The following SLC14A2 variants were observed in gnomAD, a reference collection of about 807,000 sequenced individuals.
SLC14A2 encodes the protein solute carrier family 14 member 2.
In SLC14A2, 91 loss-of-function variants were observed where a neutral mutation model predicts 104.6. The ratio of observed to expected loss-of-function variants is 0.87; its 90% CI spans 0.73 to 1.04. The LOEUF is 1.04. Among genes scored for constraint, SLC14A2 ranks in the 50% least tolerant of loss-of-function variants. The probability of loss-of-function intolerance (pLI) is 0.00; values close to 1 mark genes in which losing one functional copy is unlikely to be tolerated. For missense variants in SLC14A2, 1,189 were observed against 1,156.0 expected, an observed-to-expected ratio of 1.03 and a Z score of -0.41; for synonymous variants, 476 against 466.4, an observed-to-expected ratio of 1.02 and a Z score of -0.27.
chr18:45,530,722 A>T (rs147241183), intron 2 of SLC14A2, among the ~76,000 whole-genome samples: 3,721 of 152,136 alleles, frequency 0.024, 162 homozygotes, highest in African/African-American at 0.085. Context: ...ATTATACTTT[A>T]AGTTTTAGGG....
intron 1 of SLC14A2, among the ~76,000 whole-genome samples, chr18:45,243,441 C>T (rs1599606551): frequency 6.6e-6 from 1 of 152,176 alleles, no homozygotes; most frequent in African/African-American, 2.4e-5. Flanking sequence ...TCTATGACCT[C>T]AGAACCAGCA....
At chr18:45,468,519 C>T (rs886417628) in intron 1 of SLC14A2, among the ~76,000 whole-genome samples, 3 of 151,892 alleles carry the variant, frequency 2.0e-5, no homozygotes, top group African/African-American at 7.3e-5. Context: ...GTCTTGGACT[C>T]GTGACTTTAT....
At chr18:45,676,111 T>C (rs1568006434) in intron 18 of SLC14A2, among the ~76,000 whole-genome samples, 1 of 152,220 alleles carries the variant, frequency 6.6e-6, no homozygotes, top group Non-Finnish European at 1.5e-5. Flanking sequence ...TTCTAAATGC[T>C]CAGAGATCTT....
chr18:45,444,757 C>T lies in SLC14A2; in HGVS notation c.-124-38476C>T, dbSNP rs563505546. ...TCTCTTTAAAAGTGGGAGCCAGTGG[C>T]GAGCCGCACAGGTAGGTGTGCATCG... On this transcript the variant is annotated intron_variant, in intron 1 of 20. Transcript: ENST00000586448. Among the ~76,000 whole-genome samples, 13 of 152,272 alleles carry T rather than the reference C, an allele frequency of 8.5e-5. No homozygotes were observed. The South Asian group carries it at 1.7e-3, about 19-fold the overall frequency.
At chr18:45,430,586 T>C (rs1426295085) in intron 1 of SLC14A2, among the ~76,000 whole-genome samples, 1 of 151,954 alleles carries the variant, frequency 6.6e-6, no homozygotes, top group Admixed American at 6.6e-5. Flanking sequence ...TATTTTATTT[T>C]ATTTTTTGAG....
intron 2 of SLC14A2, among the ~76,000 whole-genome samples, chr18:45,541,543 C>T (rs1260955445): frequency 6.6e-6 from 1 of 152,198 alleles, no homozygotes; most frequent in Non-Finnish European, 1.5e-5. Context: ...GCTTCTAGTA[C>T]AGAGTAGTTC....
intron 1 of SLC14A2, among the ~76,000 whole-genome samples, chr18:45,329,099 G>A (rs2085264876): frequency 6.6e-6 from 1 of 152,232 alleles, no homozygotes; most frequent in Non-Finnish European, 1.5e-5. Flanking sequence ...CAAGTGAGGG[G>A]AAAGGGAAAA....
rs2086159436 is a variant in SLC14A2 at position 45,406,744 on chromosome 18, T to A, written c.-124-76489T>A. Among the ~76,000 whole-genome samples, 3 of 152,336 alleles carry A rather than the reference T, an allele frequency of 2.0e-5. No homozygotes were observed. The South Asian group carries it at 6.2e-4, about 32-fold the overall frequency. On this transcript the variant is annotated intron_variant, in intron 1 of 20. Transcript: ENST00000586448. Reference sequence around the variant, plus strand: ...ACATCCATTGTTGGCATGGAAACAATATTAATCTCCTTGTACATCTCCATC... The same window carrying A: ...ACATCCATTGTTGGCATGGAAACAAAATTAATCTCCTTGTACATCTCCATC...
intron 2 of SLC14A2, among the ~76,000 whole-genome samples, chr18:45,531,329 G>A (rs566838807): frequency 1.3e-5 from 2 of 152,242 alleles, no homozygotes; most frequent in East Asian, 3.9e-4. Flanking sequence ...GTGTAAAAGT[G>A]TTCCTATTTC....
intron 1 of SLC14A2, among the ~76,000 whole-genome samples, chr18:45,369,911 G>T (rs1016359706): frequency 2.0e-5 from 3 of 152,162 alleles, no homozygotes; most frequent in Non-Finnish European, 2.9e-5. Context: ...GTTTCCCAGG[G>T]AAGTTATAGG....
At chr18:45,219,877 G>C (rs1033463127) in intron 1 of SLC14A2, among the ~76,000 whole-genome samples, 3 of 152,150 alleles carry the variant, frequency 2.0e-5, no homozygotes, top group African/African-American at 4.8e-5. Flanking sequence ...AGACTGCAGA[G>C]AAGGAAAAAC....
the SLC14A2 span, among the ~76,000 whole-genome samples, chr18:45,192,625 TG>T: frequency 6.8e-6 from 1 of 146,322 alleles, no homozygotes; most frequent in Non-Finnish European, 1.5e-5. Context: ...TGTGTGTGTG[TG>T]TGTGTGTGTG....
rs936866549 is a variant in SLC14A2, at chr18:45,615,476, A to G, written c.-141A>G. 12 of 152,078 alleles carry G rather than the reference A, an allele frequency of 7.9e-5. No homozygotes were observed. The highest frequency in any genetic ancestry group is 2.4e-4 in the African/African-American group (10 of 41,398). 9.4% of individuals were successfully genotyped at this position (152,078 alleles called of 1,614,324 possible). The stretch of plus-strand genomic sequence containing the variant: ...TAAGTGTTTGGCAAGTTCCTGCTCC[A>G]CACCATCTCTCTCTTCTGCCGCCAT... On this transcript the variant is annotated 5_prime_UTR_variant, in exon 1 of 20. Coordinates refer to ENST00000255226, the MANE Select transcript of SLC14A2 (RefSeq NM_007163.4).
chr18:45,617,076 C>T (rs889948100), intron 1 of SLC14A2, among the ~76,000 whole-genome samples: 1 of 152,062 alleles, frequency 6.6e-6, no homozygotes, highest in African/African-American at 2.4e-5. Context: ...CTAGCCTGGG[C>T]AACAGTGGAG....
chr18:45,452,013 T>C (rs1027599465), intron 1 of SLC14A2, among the ~76,000 whole-genome samples: 1 of 151,994 alleles, frequency 6.6e-6, no homozygotes, highest in African/African-American at 2.4e-5. Context: ...ACAAATCATC[T>C]TTCAATGCAA....
At chr18:45,649,455 C>G (rs1303080310) in intron 10 of SLC14A2, among the ~76,000 whole-genome samples, 1 of 152,198 alleles carries the variant, frequency 6.6e-6, no homozygotes, top group Non-Finnish European at 1.5e-5. Context: ...CACAAGAATT[C>G]TTACTGAGCC....
chr18:45,268,139 A>C (rs2084611183), intron 1 of SLC14A2, among the ~76,000 whole-genome samples: 2 of 152,172 alleles, frequency 1.3e-5, no homozygotes, highest in Admixed American at 1.3e-4. Flanking sequence ...GGGAAGGGAA[A>C]GCATCATAAA....
chr18:45,643,159 C>A lies in SLC14A2; in HGVS notation c.1154C>A (p.Ala385Asp). The A allele has an allele frequency of 6.2e-7, 1 of 1,614,082 alleles. No individual in the cohort carries two copies. The highest frequency in any genetic ancestry group is 8.5e-7 in the Non-Finnish European group (1 of 1,179,918). ...CTGTTCTGTGCATACATGGAAGCAG[C>A]CATCTCCAACATCATGTCAGTGGTA... ...CALFCAYMEA[A>D]ISNIMSVVGV... The change falls in exon 9 of 20, where the codon GCC becomes GAC. Residue 385 changes from alanine to aspartate, a missense_variant. Ala to Asp is a moderately radical substitution (Grantham distance 126). Transcript: ENST00000255226.
intron 1 of SLC14A2, among the ~76,000 whole-genome samples, chr18:45,462,738 A>C (rs905292127): frequency 6.6e-6 from 1 of 152,160 alleles, no homozygotes; most frequent in African/African-American, 2.4e-5. Flanking sequence ...CTACAGTTAC[A>C]ATCTGAATCA....
Sources: allele counts gnomAD v4.1 joint callset (sites outside exome capture counted in the v4.1 genomes callset), GRCh38; gene constraint gnomAD v4.1.1; transcripts MANE v1.5; gene names NCBI Gene and HGNC (gene_info 2026-07-23, HGNC 2026-07-21).